Variants in DBX2 observed in about 807,000 individuals in gnomAD.
DBX2 encodes the protein homeobox protein DBX2.
DBX2 carries 16 observed loss-of-function variants against 17.7 expected under a neutral mutation model. The observed-to-expected ratio is 0.90, with a 90% confidence interval of 0.61 to 1.37. The LOEUF (loss-of-function observed/expected upper bound fraction) is 1.37, where lower values mean the gene tolerates loss of function less well. Ranked by LOEUF, DBX2 falls within the 40% of genes most tolerant of loss-of-function variation. DBX2 has a pLI of 0.00. For synonymous variants in DBX2, 255 were observed against 183.8 expected (o/e 1.39, Z -3.13); for missense variants, 538 against 433.8 (o/e 1.24, Z -2.13).
intron 1 of DBX2, among the ~76,000 whole-genome samples, chr12:45,047,523 A>C (rs866672659): frequency 6.6e-6 from 1 of 152,044 alleles, no homozygotes; most frequent in Non-Finnish European, 1.5e-5. Flanking sequence ...ACTCAAACTT[A>C]ACAATTTTCA....
intron 1 of DBX2, among the ~76,000 whole-genome samples, chr12:45,047,787 T>C (rs1946507860): frequency 6.6e-6 from 1 of 152,174 alleles, no homozygotes; most frequent in African/African-American, 2.4e-5. Context: ...CTGAAGATTT[T>C]GGGCAATTTT....
At chr12:45,017,930 T>C (rs1426648394) in intron 3 of DBX2, among the ~76,000 whole-genome samples, 1 of 152,202 alleles carries the variant, frequency 6.6e-6, no homozygotes, top group Admixed American at 6.5e-5. Flanking sequence ...AGTATTTCTC[T>C]CAGTGAAGAA....
chr12:45,049,340 A>T (rs1946516578), intron 1 of DBX2, among the ~76,000 whole-genome samples: 1 of 152,224 alleles, frequency 6.6e-6, no homozygotes, highest in African/African-American at 2.4e-5. Flanking sequence ...AAGAACAGAG[A>T]GGCCCAAATT....
At chr12:45,045,819 G>A (rs55994708) in intron 1 of DBX2, among the ~76,000 whole-genome samples, 9,282 of 152,064 alleles carry the variant, frequency 0.061, 387 homozygotes, top group Non-Finnish European at 0.092. Context: ...CAAAACATAC[G>A]GCATCCTTTT....
intron 1 of DBX2, among the ~76,000 whole-genome samples, chr12:45,048,691 A>G (rs1946513198): frequency 6.6e-6 from 1 of 152,210 alleles, no homozygotes; most frequent in Non-Finnish European, 1.5e-5. Flanking sequence ...ATGAGATTTT[A>G]GTTTTCTTCT....
At chr12:45,046,541 A>G (rs112806225) in intron 1 of DBX2, among the ~76,000 whole-genome samples, 2 of 152,216 alleles carry the variant, frequency 1.3e-5, no homozygotes, top group African/African-American at 4.8e-5. Context: ...AAAAAATAAG[A>G]TCACAAAGTC....
intron 1 of DBX2, among the ~76,000 whole-genome samples, chr12:45,042,518 A>T (rs1946476909): frequency 6.6e-6 from 1 of 152,172 alleles, no homozygotes; most frequent in African/African-American, 2.4e-5. Context: ...GGCTACTGGG[A>T]CAAAGCCCCA....
In DBX2 at chr12:45,051,015, TCGC is replaced by T; in HGVS notation, c.-91_-89del. 7.7e-7 allele frequency: 1 copy of T among 1,303,788 alleles called. No homozygotes were observed. The highest frequency in any genetic ancestry group is 9.7e-7 in the Non-Finnish European group (1 of 1,029,752). The allele number at this position is 1,303,788 out of a possible 1,614,324, so 80.8% of individuals were successfully genotyped here. A position where few individuals can be genotyped will look rare whatever the true frequency, so the allele number is the denominator to read the frequency against. ...GCACCGCACCCAGAGCCGCAGCTTC[TCGC>T]CGCCGCCTCCCGCAGGGCTGGAGCG... On this transcript the variant is annotated 5_prime_UTR_variant, in exon 1 of 4. Coordinates refer to ENST00000332700, the MANE Select transcript of DBX2 (RefSeq NM_001004329.3).
rs1187479413 is a variant in DBX2 at position 45,048,754 on chromosome 12, G to A, written c.403+1771C>T. Among the ~76,000 whole-genome samples the A allele has an allele frequency of 2.0e-5, 3 of 152,050 alleles. 1 individual carries two copies. The highest frequency in any genetic ancestry group is 4.4e-5 in the Non-Finnish European group (3 of 67,956). ...AATGTTTTCTTTACAAGAATAATTT[G>A]TTAAAAAACAAAGGTTGTTTGTTCA... On this transcript the variant is annotated intron_variant, in intron 1 of 3. Transcript: ENST00000332700.
chr12:45,046,414 C>T (rs1048736618), intron 1 of DBX2, among the ~76,000 whole-genome samples: 1 of 152,092 alleles, frequency 6.6e-6, no homozygotes. Flanking sequence ...ATTCGGAATC[C>T]CCTGTTGTCA....
At chr12:45,024,797 T>C (rs1946372879) in intron 2 of DBX2, among the ~76,000 whole-genome samples, 1 of 152,170 alleles carries the variant, frequency 6.6e-6, no homozygotes, top group Non-Finnish European at 1.5e-5. Flanking sequence ...GGGTCTGACA[T>C]AAACCTGGGA....
chr12:45,028,645 A>T (rs1390950063), intron 2 of DBX2, among the ~76,000 whole-genome samples: 2 of 152,204 alleles, frequency 1.3e-5, no homozygotes, highest in African/African-American at 4.8e-5. Context: ...GATATACATT[A>T]ACATTTGGGG....
At chr12:45,048,104 G>A (rs372195960) in intron 1 of DBX2, among the ~76,000 whole-genome samples, 4 of 152,064 alleles carry the variant, frequency 2.6e-5, no homozygotes, top group Non-Finnish European at 4.4e-5. Flanking sequence ...GAAATATATG[G>A]TATATTTAAT....
At chr12:45,050,261 C>T (rs898223447) in intron 1 of DBX2, among the ~76,000 whole-genome samples, 4 of 152,198 alleles carry the variant, frequency 2.6e-5, no homozygotes, top group Non-Finnish European at 5.9e-5. Context: ...TTAAGCAGCC[C>T]TACCACCTGT....
intron 1 of DBX2, among the ~76,000 whole-genome samples, chr12:45,036,322 G>C (rs11182802): frequency 0.09 from 13,686 of 152,184 alleles, 1,330 homozygotes; most frequent in East Asian, 0.33. Context: ...AAGACGCAAA[G>C]AGACTATGAA....
chr12:45,022,311 T>TG (rs1946357351), intron 3 of DBX2, among the ~76,000 whole-genome samples: 1 of 139,342 alleles, frequency 7.2e-6, no homozygotes, highest in Non-Finnish European at 1.6e-5. Flanking sequence ...TTTTTTTTTT[T>TG]TTTTTTTTTT....
chr12:45,016,229 G>C lies in DBX2; in HGVS notation c.*57C>G. 6.7e-7 allele frequency: 1 copy of C among 1,491,210 alleles called. No homozygotes were observed. The highest frequency in any genetic ancestry group is 2.3e-5 in the East Asian group (1 of 43,016). The allele number at this position is 1,491,210 out of a possible 1,614,324, so 92.4% of individuals were successfully genotyped here. A position where few individuals can be genotyped will look rare whatever the true frequency, so the allele number is the denominator to read the frequency against. On this transcript the variant is annotated 3_prime_UTR_variant, in exon 4 of 4. Transcript: ENST00000332700. ...ATGAGGTACAAGCTAGCTGGCATTA[G>C]AGTCCAGATGTTACTATTAAGCGTT...
Position 45,016,391 on chromosome 12 carries a change from C to T in DBX2, c.915G>A (p.Glu305=). Residue 305 remains glutamate, a synonymous_variant, in exon 4 of 4, where the codon GAG becomes GAA. Coordinates refer to ENST00000332700, the MANE Select transcript of DBX2 (RefSeq NM_001004329.3). ...SPEPSERLIQ[E]SSGAPPPEAN... is the part of the protein sequence containing the mutation. ...CTTCTGGGGGTGGTGCCCCTGAACTCTCCTGGATTAGTCTTTCTGAAGGTT... is the reference window on the plus strand; with the variant it reads ...CTTCTGGGGGTGGTGCCCCTGAACTTTCCTGGATTAGTCTTTCTGAAGGTT... The T allele has an allele frequency of 6.2e-7, 1 of 1,614,032 alleles. No individual in the cohort carries two copies. The highest frequency in any genetic ancestry group is 8.5e-7 in the Non-Finnish European group (1 of 1,179,978).
intron 3 of DBX2, 22 bp downstream of exon 3, chr12:45,023,685 A>T: frequency 1.9e-6 from 3 of 1,613,582 alleles, no homozygotes; most frequent in Non-Finnish European, 2.5e-6. Context: ...GAGGCAGTAG[A>T]CATCTTCCTG....
Sources: allele counts gnomAD v4.1 joint callset (sites outside exome capture counted in the v4.1 genomes callset), GRCh38; gene constraint gnomAD v4.1.1; transcripts MANE v1.5; gene names NCBI Gene and HGNC (gene_info 2026-07-23, HGNC 2026-07-21).